The following AGFG1 variants were observed in gnomAD, a reference collection of about 807,000 sequenced individuals.
AGFG1 encodes arf-GAP domain and FG repeat-containing protein 1.
A neutral mutation model predicts 60.6 loss-of-function variants in AGFG1; 10 were observed. That is an observed-to-expected ratio of 0.16 (90% CI 0.10 to 0.28). The LOEUF is 0.28. AGFG1 is among the 10% of genes least tolerant of loss of function. AGFG1 has a pLI of 1.00. For missense variants in AGFG1, 537 were observed against 676.5 expected (o/e 0.79, Z 2.29); for synonymous variants, 247 against 242.9 (o/e 1.02, Z -0.16).
At chr2:227,535,140 T>C in intron 8 of AGFG1, 115 bp downstream of exon 8, 1 of 1,196,462 alleles carries the variant, frequency 8.4e-7, no homozygotes, top group Non-Finnish European at 1.1e-6. Flanking sequence ...TTGGATATTT[T>C]TGTAAATTTG....
At chr2:227,554,306 G>A in intron 12 of AGFG1, 130 bp from the exon 13 acceptor site, 1 of 731,072 alleles carries the variant, frequency 1.4e-6, no homozygotes. Context: ...AAATATTATT[G>A]CCAATAATTT....
chr2:227,518,052 T>G (rs1691706953), intron 2 of AGFG1, among the ~76,000 whole-genome samples: 1 of 152,224 alleles, frequency 6.6e-6, no homozygotes, highest in Non-Finnish European at 1.5e-5. Flanking sequence ...AATGGAAATA[T>G]GCAGTATATA....
chr2:227,551,123 T>C (rs1692806515), intron 10 of AGFG1, among the ~76,000 whole-genome samples: 1 of 152,222 alleles, frequency 6.6e-6, no homozygotes, highest in African/African-American at 2.4e-5. Context: ...CACCAAGTAA[T>C]ACCAGCGAGG....
At chr2:227,486,399 T>C (rs1425663011) in intron 1 of AGFG1, among the ~76,000 whole-genome samples, 1 of 152,192 alleles carries the variant, frequency 6.6e-6, no homozygotes, top group East Asian at 1.9e-4. Context: ...CTGTTGGAAG[T>C]AGAAATTAAT....
chr2:227,476,787 A>G (rs1205431574), intron 1 of AGFG1, among the ~76,000 whole-genome samples: 2 of 152,156 alleles, frequency 1.3e-5, no homozygotes, highest in African/African-American at 4.8e-5. Context: ...GGTCACAGTG[A>G]GCAGGGATTT....
At chr2:227,520,229 T>C (rs189343739) in intron 3 of AGFG1, among the ~76,000 whole-genome samples, 166 bp downstream of exon 3, 43 of 152,332 alleles carry the variant, frequency 2.8e-4, no homozygotes, top group African/African-American at 1.0e-3. Context: ...TGAAAACCTT[T>C]ACTTCTACTT....
chr2:227,508,923 A>G (rs1048880057), intron 2 of AGFG1, among the ~76,000 whole-genome samples: 1 of 152,172 alleles, frequency 6.6e-6, no homozygotes, highest in African/African-American at 2.4e-5. Flanking sequence ...GAATTTCAGC[A>G]TTCAGTGTGG....
At chr2:227,495,364 A>G (rs1383558935) in intron 2 of AGFG1, among the ~76,000 whole-genome samples, 1 of 151,800 alleles carries the variant, frequency 6.6e-6, no homozygotes, top group Non-Finnish European at 1.5e-5. Flanking sequence ...CTAGGCAACA[A>G]AGCGAGATCC....
chr2:227,514,473 C>T (rs1018791243), intron 2 of AGFG1, among the ~76,000 whole-genome samples: 5 of 152,044 alleles, frequency 3.3e-5, no homozygotes, highest in African/African-American at 7.2e-5. Flanking sequence ...GGATTATAGA[C>T]GTGAGCCACT....
chr2:227,482,411 G>C (rs541190634), intron 1 of AGFG1, among the ~76,000 whole-genome samples: 4 of 152,318 alleles, frequency 2.6e-5, no homozygotes, highest in African/African-American at 7.2e-5. Flanking sequence ...AACATATACG[G>C]TGTCTTGGCA....
chr2:227,509,593 G>A (rs1260312602), intron 2 of AGFG1, among the ~76,000 whole-genome samples: 1 of 151,954 alleles, frequency 6.6e-6, no homozygotes, highest in Admixed American at 6.5e-5. Context: ...AATTTAAATG[G>A]TTCATTAAAA....
chr2:227,546,989 T>A (rs1692668827), intron 10 of AGFG1, among the ~76,000 whole-genome samples: 2 of 152,318 alleles, frequency 1.3e-5, no homozygotes, highest in East Asian at 3.9e-4. Context: ...TTTGCTAAGA[T>A]TAATGAATTT....
rs1032446001 is a variant in AGFG1 at position 227,559,080 on chromosome 2, C to T, written c.*4585C>T. On this transcript the variant is annotated 3_prime_UTR_variant, in exon 13 of 13. Coordinates refer to ENST00000310078, the MANE Select transcript of AGFG1 (RefSeq NM_004504.5). ...CTGCAAAGACCCAAGTATCGTGAAC[C>T]TTGGTTTTAAAAAGTCCAATTATTG... 6.6e-6 allele frequency: 1 copy of T among 152,190 alleles called. No homozygotes were observed. Among genetic ancestry groups the T allele is most frequent in the Non-Finnish European group, 1.5e-5 (1 of 68,020 alleles). The allele number at this position is 152,190 out of a possible 1,614,324, so 9.4% of individuals were successfully genotyped here.
Position 227,497,735 on chromosome 2 carries a change from G to GTTTTTTTTTTTTTTTTTTTTT in AGFG1, c.261+6101_261+6121dup, listed in dbSNP as rs869114764. 3.6e-4 allele frequency among the ~76,000 whole-genome samples: 10 copies of GTTTTTTTTTTTTTTTTTTTTT among 28,014 alleles called. 2 individuals are homozygous for GTTTTTTTTTTTTTTTTTTTTT. Among genetic ancestry groups the GTTTTTTTTTTTTTTTTTTTTT allele is most frequent in the Non-Finnish European group, 6.4e-4 (9 of 14,028 alleles). The allele number at this position is 28,014 out of a possible 152,430, so 18.4% of individuals were successfully genotyped here. On this transcript the variant is annotated intron_variant, in intron 2 of 12. Coordinates refer to ENST00000310078, the MANE Select transcript of AGFG1 (RefSeq NM_004504.5). The stretch of plus-strand genomic sequence containing the variant: ...GCCAAATGAGTTTCTTTCTTGTTTT[G>GTTTTTTTTTTTTTTTTTTTTT]TTTTTTTTTTTTTTTTTTTTTTTTT...
At chr2:227,523,727 A>ATTTTTTTTTTTTTTT in intron 3 of AGFG1, 36 bp from the exon 4 acceptor site, 1 of 1,553,496 alleles carries the variant, frequency 6.4e-7, no homozygotes, top group African/African-American at 1.4e-5. Context: ...AATTACCTAC[A>ATTTTTTTTTTTTTTT]TTTTTTTTTA....
chr2:227,551,121 A>C (rs976167086), intron 10 of AGFG1, among the ~76,000 whole-genome samples: 1 of 152,244 alleles, frequency 6.6e-6, no homozygotes, highest in Non-Finnish European at 1.5e-5. Flanking sequence ...TCCACCAAGT[A>C]ATACCAGCGA....
At chr2:227,512,626 T>C (rs1188026560) in intron 2 of AGFG1, among the ~76,000 whole-genome samples, 3 of 152,218 alleles carry the variant, frequency 2.0e-5, no homozygotes, top group African/African-American at 7.2e-5. Context: ...TTTGTATAGG[T>C]CCACGGTACC....
At chr2:227,504,060 G>T (rs1159477767) in intron 2 of AGFG1, among the ~76,000 whole-genome samples, 1 of 152,120 alleles carries the variant, frequency 6.6e-6, no homozygotes, top group Admixed American at 6.5e-5. Context: ...TTTATTAAGT[G>T]GAAGTAGATT....
chr2:227,557,228 T>C lies in AGFG1; in HGVS notation c.*2733T>C, dbSNP rs943624307. ...ATCTTTTTTCAGGATGGCAAACTTT[T>C]GACATAGTTTAAAGACATTTTTTCC... is the stretch of plus-strand genomic sequence containing the variant. On this transcript the variant is annotated 3_prime_UTR_variant, in exon 13 of 13. Coordinates refer to ENST00000310078, the MANE Select transcript of AGFG1 (RefSeq NM_004504.5). 2 of 152,224 alleles carry C rather than the reference T, an allele frequency of 1.3e-5. No homozygotes were observed. Among genetic ancestry groups the C allele is most frequent in the Non-Finnish European group, 2.9e-5 (2 of 68,046 alleles). 9.4% of individuals were successfully genotyped at this position (152,224 alleles called of 1,614,324 possible).
Sources: allele counts gnomAD v4.1 joint callset (sites outside exome capture counted in the v4.1 genomes callset), GRCh38; gene constraint gnomAD v4.1.1; transcripts MANE v1.5; gene names NCBI Gene and HGNC (gene_info 2026-07-23, HGNC 2026-07-21).